The following AP1G1 variants were observed in gnomAD, a reference collection of about 807,000 sequenced individuals.
AP1G1 encodes AP-1 complex subunit gamma-1.
AP1G1 carries 7 observed loss-of-function variants against 108.3 expected under a neutral mutation model. The ratio of observed to expected loss-of-function variants is 0.06; its 90% CI spans 0.04 to 0.12. The LOEUF is 0.12. Among genes scored for constraint, AP1G1 ranks in the 10% least tolerant of loss-of-function variants. The probability of loss-of-function intolerance (pLI) is 1.00; values close to 1 mark genes in which losing one functional copy is unlikely to be tolerated. For missense variants in AP1G1, 756 were observed against 1,010.7 expected (o/e 0.75, Z 3.42); for synonymous variants, 379 against 353.5 (o/e 1.07, Z -0.81).
At chr16:71,754,587 AG>A (rs1231227497) in intron 12 of AP1G1, among the ~76,000 whole-genome samples, 1 of 152,202 alleles carries the variant, frequency 6.6e-6, no homozygotes, top group African/African-American at 2.4e-5. Flanking sequence ...GCTTGAGGCC[AG>A]GAGTTCCACA....
At chr16:71,808,113 G>T in intron 1 of AP1G1, 3 of 1,152,684 alleles carry the variant, frequency 2.6e-6, no homozygotes, top group Non-Finnish European at 3.2e-6. Context: ...AGGAAGACCG[G>T]GAGAATTATT....
At chr16:71,750,667 C>T (rs553543621) in intron 13 of AP1G1, among the ~76,000 whole-genome samples, 85 of 151,798 alleles carry the variant, frequency 5.6e-4, no homozygotes, top group Non-Finnish European at 9.9e-4. Flanking sequence ...CCACCTGCCT[C>T]GGCCTCTCAA....
At chr16:71,746,301 C>G (rs998187501) in intron 17 of AP1G1, among the ~76,000 whole-genome samples, 2 of 152,110 alleles carry the variant, frequency 1.3e-5, no homozygotes, top group Non-Finnish European at 2.9e-5. Flanking sequence ...TGAGCCACCA[C>G]GCCCGGCCTC....
chr16:71,761,360 C>T (rs2031076020), intron 10 of AP1G1, 152 bp downstream of exon 10: 1 of 666,908 alleles, frequency 1.5e-6, no homozygotes, highest in Non-Finnish European at 2.7e-6. Context: ...AAGTTCTTCA[C>T]AAAACAGTGT....
chr16:71,758,385 G>GT (rs770878897), intron 11 of AP1G1: 11 of 517,194 alleles, frequency 2.1e-5, no homozygotes, highest in African/African-American at 3.9e-5. Context: ...ATCCTGGGGC[G>GT]TAAGTACTGT....
At chr16:71,784,693 G>T (rs2145514098) in intron 2 of AP1G1, among the ~76,000 whole-genome samples, 1 of 151,764 alleles carries the variant, frequency 6.6e-6, no homozygotes, top group South Asian at 2.1e-4. Context: ...CAAGTAGCTG[G>T]GATTACAGGC....
chr16:71,746,937 ATGATGGTGTGG>A, intron 16 of AP1G1: 1 of 317,518 alleles, frequency 3.1e-6, no homozygotes, highest in Non-Finnish European at 5.9e-6. Flanking sequence ...TTCAGCAACA[ATGATGGTGTGG>A]AAAAAACACA....
chr16:71,734,479 A>G, intron 22 of AP1G1, 130 bp downstream of exon 22: 1 of 740,674 alleles, frequency 1.4e-6, no homozygotes, highest in African/African-American at 1.7e-5. Context: ...CAAGGAAGTT[A>G]GACCAGGCAT....
chr16:71,755,626 A>C (rs9302630), intron 12 of AP1G1, among the ~76,000 whole-genome samples: 130,542 of 151,820 alleles, frequency 0.86, 56,276 homozygotes, highest in East Asian at 0.99. Context: ...AACATATTTA[A>C]AGTAGTTTCC....
chr16:71,768,003 A>G, intron 6 of AP1G1: 4 of 1,207,534 alleles, frequency 3.3e-6, no homozygotes, highest in African/African-American at 1.5e-5. Flanking sequence ...TGAACATCTA[A>G]GGGAAAAAAA....
In AP1G1 at chr16:71,764,352, G is replaced by T. The variant is rs776081558; in HGVS notation, c.916C>A (p.Arg306=). 6.3e-7 allele frequency: 1 copy of T among 1,579,074 alleles called. No individual in the cohort carries two copies. The highest frequency in any genetic ancestry group is 8.6e-7 in the Non-Finnish European group (1 of 1,157,928). The stretch of plus-strand genomic sequence containing the variant: ...AGAAAAGATTCAAAAAGACTTACTC[G>T]CAATCCACTCTCTGACTTAATATCC... The part of the protein sequence containing the change: ...IMDIKSESGL[R]VLAINILGRF... Residue 306 remains arginine, a splice_region_variant and synonymous_variant, in exon 9 of 23, where the codon CGA becomes AGA. Transcript: ENST00000299980.
At chr16:71,761,289 A>C (rs927086093) in intron 10 of AP1G1, among the ~76,000 whole-genome samples, 1 of 152,214 alleles carries the variant, frequency 6.6e-6, no homozygotes, top group Admixed American at 6.5e-5. Flanking sequence ...CTTTACAGAA[A>C]AATTTTGCTG....
Position 71,802,835 on chromosome 16 carries a change from T to G in AP1G1, c.-4+5928A>C, listed in dbSNP as rs1466185779. 2.6e-5 allele frequency among the ~76,000 whole-genome samples: 4 copies of G among 152,274 alleles called. No homozygotes were observed. The East Asian group carries it at 7.7e-4, about 29-fold the overall frequency. On this transcript the variant is annotated intron_variant, in intron 1 of 22. Transcript: ENST00000299980. Reference sequence around the variant, plus strand: ...ACTTGGCTTCCCAAAGTACTGGGATTACAGACATGAGCCACCAGGTCTGGC... The same window carrying G: ...ACTTGGCTTCCCAAAGTACTGGGATGACAGACATGAGCCACCAGGTCTGGC...
chr16:71,808,757 A>G lies in AP1G1; in HGVS notation c.-4+6T>C, dbSNP rs1334267929. The G allele has an allele frequency of 3.1e-6, 4 of 1,289,244 alleles. No homozygotes were observed. Among genetic ancestry groups the G allele is most frequent in the Non-Finnish European group, 4.0e-6 (4 of 988,632 alleles). 79.9% of individuals were successfully genotyped at this position (1,289,244 alleles called of 1,614,324 possible). A position where few individuals can be genotyped will look rare whatever the true frequency, so the allele number is the denominator to read the frequency against. On this transcript the variant is annotated splice_donor_region_variant and intron_variant, in intron 1 of 22. Coordinates refer to ENST00000299980, the MANE Select transcript of AP1G1 (RefSeq NM_001128.6). ...ATATGCTCTCAGCGCCGGGAGTGAC[A>G]CTCACCGGCCCGAAACCTCGAATGA...
chr16:71,768,296 G>A (rs938135190), intron 6 of AP1G1, among the ~76,000 whole-genome samples: 3 of 148,872 alleles, frequency 2.0e-5, no homozygotes, highest in African/African-American at 7.4e-5. Context: ...TCAAGAGTTC[G>A]AACCAGCCTG....
At chr16:71,806,237 C>A (rs966212025) in intron 1 of AP1G1, among the ~76,000 whole-genome samples, 1 of 152,120 alleles carries the variant, frequency 6.6e-6, no homozygotes, top group African/African-American at 2.4e-5. Context: ...GACCAAAGAA[C>A]AAGCAACTGC....
chr16:71,802,943 G>A (rs1233872433), intron 1 of AP1G1, among the ~76,000 whole-genome samples: 4 of 152,014 alleles, frequency 2.6e-5, no homozygotes, highest in Admixed American at 6.6e-5. Flanking sequence ...AGCCAGGCTC[G>A]GTGGCTCACA....
At chr16:71,805,757 A>G (rs2142292159) in intron 1 of AP1G1, among the ~76,000 whole-genome samples, 1 of 152,302 alleles carries the variant, frequency 6.6e-6, no homozygotes, top group South Asian at 2.1e-4. Context: ...AGTTTTGGCC[A>G]GGTGAGGTGG....
At chr16:71,766,464 G>A (rs765849690) in intron 6 of AP1G1, 1 of 463,734 alleles carries the variant, frequency 2.2e-6, no homozygotes, top group South Asian at 1.6e-5. Flanking sequence ...TCAATTACTT[G>A]ATATTAAAAC....
Sources: gnomAD v4.1 joint callset for allele counts (sites outside exome capture counted in the v4.1 genomes callset) on GRCh38, gnomAD v4.1.1 for gene constraint, MANE v1.5 for transcripts, NCBI Gene and HGNC (gene_info 2026-07-23, HGNC 2026-07-21) for gene names.